ANKRD28: variants seen among roughly 807,000 people sequenced by gnomAD.
ANKRD28 encodes ankyrin repeat domain 28.
In ANKRD28, 44 loss-of-function variants were observed where a neutral mutation model predicts 126.5. The observed-to-expected ratio is 0.35, with a 90% CI of 0.27 to 0.45. ANKRD28 has a LOEUF of 0.45. Ranked by LOEUF, ANKRD28 falls within the 20% of genes least tolerant of loss-of-function variation. The pLI, the probability that ANKRD28 is intolerant of heterozygous loss-of-function variation, is 1.00. For synonymous variants in ANKRD28, 442 were observed against 468.5 expected, an observed-to-expected ratio of 0.94 and a Z score of 0.73; for missense variants, 1,110 against 1,316.6, an observed-to-expected ratio of 0.84 and a Z score of 2.43.
intron 7 of ANKRD28, among the ~76,000 whole-genome samples, chr3:15,721,594 T>A (rs530675793): frequency 5.3e-5 from 8 of 151,470 alleles, no homozygotes; most frequent in Non-Finnish European, 1.2e-4. Flanking sequence ...GATCAAGATT[T>A]AAAAAAAAAT....
rs2061395456 is a variant in ANKRD28 at position 15,839,871 on chromosome 3, T to C, written c.27+19506A>G. ...CAACATCCCTTCATAATAAAAACTCTCACAAAACTAGATACAGAAGAAACA... is the reference window on the plus strand; with the variant it reads ...CAACATCCCTTCATAATAAAAACTCCCACAAAACTAGATACAGAAGAAACA... On this transcript the variant is annotated intron_variant, in intron 1 of 27. Transcript: ENST00000399451. This position sits in a 1 kb window ranked among gnomAD's most constrained non-coding sequence, Gnocchi z 4.3. Among the ~76,000 whole-genome samples, 1 of 152,010 alleles carries C rather than the reference T, an allele frequency of 6.6e-6. No homozygotes were observed. The highest frequency in any genetic ancestry group is 1.5e-5 in the Non-Finnish European group (1 of 67,988).
chr3:15,851,983 C>A (rs571299890), intron 1 of ANKRD28, among the ~76,000 whole-genome samples: 34 of 152,116 alleles, frequency 2.2e-4, no homozygotes, highest in Middle Eastern at 6.8e-3. Flanking sequence ...GTGGATGAAC[C>A]CTGAAAACAC....
At chr3:15,841,051 C>A (rs112893811) in intron 1 of ANKRD28, among the ~76,000 whole-genome samples, 29,604 of 152,102 alleles carry the variant, frequency 0.19, 3,508 homozygotes, top group East Asian at 0.32. Context: ...TGAGGCAGAA[C>A]TGCTTGAACC....
intron 21 of ANKRD28, among the ~76,000 whole-genome samples, chr3:15,682,357 G>T (rs1004976081): frequency 1.1e-4 from 17 of 152,080 alleles, no homozygotes; most frequent in African/African-American, 4.1e-4. Flanking sequence ...AGTACAGACT[G>T]AGAAAAGGGA....
chr3:15,807,140 G>A (rs937749324), intron 1 of ANKRD28, among the ~76,000 whole-genome samples: 1 of 152,112 alleles, frequency 6.6e-6, no homozygotes, highest in Non-Finnish European at 1.5e-5. Context: ...TACTTCATGG[G>A]ATCCTATTAA....
intron 18 of ANKRD28, among the ~76,000 whole-genome samples, chr3:15,687,786 G>A (rs2068310027): frequency 6.6e-6 from 1 of 152,164 alleles, no homozygotes. Context: ...ACTTGGGGAT[G>A]TTCAAGAAGA....
intron 1 of ANKRD28, among the ~76,000 whole-genome samples, chr3:15,844,831 CG>C (rs1259584080): frequency 6.6e-6 from 1 of 152,064 alleles, no homozygotes; most frequent in African/African-American, 2.4e-5. Flanking sequence ...TTGTATTAGT[CG>C]GTTCTCACAC....
intron 2 of ANKRD28, among the ~76,000 whole-genome samples, chr3:15,775,989 C>G (rs111285264): frequency 4.6e-5 from 7 of 152,256 alleles, no homozygotes; most frequent in African/African-American, 1.7e-4. Context: ...GACAAGCCCT[C>G]ATCTTTAAGC....
In ANKRD28 at chr3:15,685,231, T is replaced by C. The variant is rs1047992781; in HGVS notation, c.2384A>G (p.Tyr795Cys). The change falls in exon 21 of 28, where the codon TAC becomes TGC. Residue 795 changes from tyrosine to cysteine, a missense_variant. Tyr to Cys is a radical substitution (Grantham distance 194, BLOSUM62 -2). Coordinates refer to ENST00000683139, the MANE Select transcript of ANKRD28 (RefSeq NM_001349278.2). ...HGYTALHWAC[Y>C]NGHETCVELL... is the part of the protein sequence containing the mutation. Reference sequence around the variant, plus strand: ...TTTGTGTTTGTATACTTAACCATTGTAGCAAGCCCAGTGAAGTGCCGTATA... The same window carrying C: ...TTTGTGTTTGTATACTTAACCATTGCAGCAAGCCCAGTGAAGTGCCGTATA... 1 of 1,613,774 alleles carries C rather than the reference T, an allele frequency of 6.2e-7. No homozygotes were observed. Among genetic ancestry groups the C allele is most frequent in the African/African-American group, 1.3e-5 (1 of 74,928 alleles).
At chr3:15,806,436 T>C (rs1245773938) in intron 1 of ANKRD28, among the ~76,000 whole-genome samples, 3 of 152,146 alleles carry the variant, frequency 2.0e-5, no homozygotes, top group African/African-American at 7.2e-5. Context: ...TTCAACCCCA[T>C]ATAGCTGATC....
In ANKRD28 at chr3:15,741,936, G is replaced by T. The variant is rs1459452024; in HGVS notation, c.352-4703C>A. Among the ~76,000 whole-genome samples, 3 of 151,794 alleles carry T rather than the reference G, an allele frequency of 2.0e-5. No homozygotes were observed. The South Asian group carries it at 6.2e-4, about 32-fold the overall frequency. On this transcript the variant is annotated intron_variant, in intron 4 of 27. Coordinates refer to ENST00000683139, the MANE Select transcript of ANKRD28 (RefSeq NM_001349278.2). ...ATTTTTTTGGTGGAGACGGGGTTTC[G>T]CTGTGTTGGCCGGGCTGGTCTCCAG...
chr3:15,758,948 T>G (rs2058313598), intron 3 of ANKRD28, among the ~76,000 whole-genome samples: 1 of 152,216 alleles, frequency 6.6e-6, no homozygotes, highest in African/African-American at 2.4e-5. Flanking sequence ...AATGCAGTCA[T>G]TTAAGGACTT....
chr3:15,676,812 G>A, intron 26 of ANKRD28, 162 bp downstream of exon 26: 1 of 517,686 alleles, frequency 1.9e-6, no homozygotes, highest in Non-Finnish European at 3.4e-6. Flanking sequence ...ATGGCTTTTA[G>A]TTGTGATCAT....
chr3:15,680,104 T>A, intron 21 of ANKRD28, among the ~76,000 whole-genome samples: 1 of 152,142 alleles, frequency 6.6e-6, no homozygotes, highest in East Asian at 1.9e-4. Context: ...GACTGTGCTA[T>A]TTTTTTATTT....
intron 14 of ANKRD28, among the ~76,000 whole-genome samples, chr3:15,698,954 C>G (rs1246533862): frequency 1.3e-5 from 2 of 152,180 alleles, no homozygotes; most frequent in East Asian, 3.8e-4. Context: ...GCCAAAAGAA[C>G]AAAGCTGGAA....
rs182821122 is a variant in ANKRD28 at position 15,714,660 on chromosome 3, G to C, written c.997-4C>G. On this transcript the variant is annotated splice_region_variant and splice_polypyrimidine_tract_variant and intron_variant, in intron 8 of 27. Transcript: ENST00000683139. ...GTGGGGTTTTCCCATCTTTACTCTG[G>C]GGGGGGAAGAAAAAAATTACTCACT... The C allele has an allele frequency of 1.0e-4, 160 of 1,576,994 alleles. No homozygotes were observed. In the African/African-American group the frequency reaches 1.2e-3, roughly 12 times the overall value.
chr3:15,832,130 A>C (rs2061216112), intron 1 of ANKRD28, among the ~76,000 whole-genome samples: 1 of 152,228 alleles, frequency 6.6e-6, no homozygotes. Context: ...CTCACATTCC[A>C]GTAGAGTGAG....
At position 15,695,210 on chromosome 3, in the gene ANKRD28, G is replaced by A; in HGVS notation, c.1664C>T (p.Ala555Val). Reference sequence around the variant, plus strand: ...TACAACATCTAGAGGAGTTTCACTTGCAATCTGAAATAAAAGTCAAAACAA... The same window carrying A: ...TACAACATCTAGAGGAGTTTCACTTACAATCTGAAATAAAAGTCAAAACAA... ...YGHRLCLQLI[A>V]SETPLDVLME... is the part of the protein sequence containing the mutation. Residue 555 changes from alanine to valine, a missense_variant, in exon 16 of 28, where the codon GCA (alanine) becomes GTA (valine). By Grantham distance (64) the Ala-to-Val change is moderately conservative. Coordinates refer to ENST00000683139, the MANE Select transcript of ANKRD28 (RefSeq NM_001349278.2). 1 of 1,587,692 alleles carries A rather than the reference G, an allele frequency of 6.3e-7. No homozygotes were observed. The highest frequency in any genetic ancestry group is 8.6e-7 in the Non-Finnish European group (1 of 1,164,006).
chr3:15,794,825 GCA>G (rs1447682743), intron 2 of ANKRD28, among the ~76,000 whole-genome samples: 6 of 152,262 alleles, frequency 3.9e-5, no homozygotes, highest in South Asian at 2.1e-4. Flanking sequence ...CATTTGAAAT[GCA>G]CAGTTAAGTA....
Sources: allele counts gnomAD v4.1 joint callset (sites outside exome capture counted in the v4.1 genomes callset), GRCh38; gene constraint gnomAD v4.1.1; non-coding constraint Gnocchi (gnomAD v3.1); transcripts MANE v1.5; gene names NCBI Gene and HGNC (gene_info 2026-07-23, HGNC 2026-07-21).